CLASP1: variants seen among roughly 807,000 people sequenced by gnomAD.
CLASP1 encodes the protein CLIP-associating protein 1.
A neutral mutation model predicts 192.3 loss-of-function variants in CLASP1; 38 were observed. That is an observed-to-expected ratio of 0.20 (90% CI 0.15 to 0.26). The LOEUF is 0.26. CLASP1 is among the 10% of genes least tolerant of loss of function. The pLI, the probability that CLASP1 is intolerant of heterozygous loss-of-function variation, is 1.00. For synonymous variants in CLASP1, 691 were observed against 712.8 expected (o/e 0.97, Z 0.49); for missense variants, 1,433 against 1,932.5 (o/e 0.74, Z 4.85).
At chr2:121,570,625 G>T (rs1237337022) in intron 2 of CLASP1, among the ~76,000 whole-genome samples, 1 of 152,130 alleles carries the variant, frequency 6.6e-6, no homozygotes, top group Admixed American at 6.5e-5. Context: ...GGCAAGAGAG[G>T]GTGAGTGTAT....
intron 2 of CLASP1, among the ~76,000 whole-genome samples, chr2:121,598,889 G>T (rs1369234409): frequency 6.6e-6 from 1 of 151,976 alleles, no homozygotes; most frequent in Non-Finnish European, 1.5e-5. Context: ...TTTTTGAGAC[G>T]GAGTCTCACT....
intron 25 of CLASP1, 94 bp from the exon 27 acceptor site, chr2:121,404,528 G>A: frequency 9.2e-7 from 1 of 1,089,254 alleles, no homozygotes; most frequent in Non-Finnish European, 1.3e-6. Flanking sequence ...GTGCAGTGGT[G>A]CGATCATAGC....
intron 1 of CLASP1, among the ~76,000 whole-genome samples, chr2:121,618,654 A>G (rs1224916601): frequency 1.3e-5 from 2 of 150,566 alleles, no homozygotes; most frequent in Non-Finnish European, 2.9e-5. Flanking sequence ...TGCATTATGA[A>G]TGTATTATGA....
rs936042883 is a variant in CLASP1, at chr2:121,572,857, C to T, written c.195+32844G>A. Among the ~76,000 whole-genome samples, 3 of 152,202 alleles carry T rather than the reference C, an allele frequency of 2.0e-5. 1 individual carries two copies. In the South Asian group the frequency reaches 6.2e-4, roughly 32 times the overall value. ...GAGGAAAGGAAGCATAGTTCATCCACCATCTTCTTCTGACCAATGAGAAAA... is the reference window on the plus strand; with the variant it reads ...GAGGAAAGGAAGCATAGTTCATCCATCATCTTCTTCTGACCAATGAGAAAA... On this transcript the variant is annotated intron_variant, in intron 2 of 39. Transcript: ENST00000263710.
intron 36 of CLASP1, among the ~76,000 whole-genome samples, chr2:121,363,510 CTT>C (rs2066801736): frequency 6.6e-6 from 1 of 152,146 alleles, no homozygotes; most frequent in Admixed American, 6.5e-5. Context: ...GGCACTGTGC[CTT>C]AGGGTGACAT....
intron 1 of CLASP1, among the ~76,000 whole-genome samples, chr2:121,624,018 T>C (rs1308341413): frequency 1.3e-5 from 2 of 152,190 alleles, no homozygotes; most frequent in Non-Finnish European, 2.9e-5. Flanking sequence ...TGTCCCTTCT[T>C]TCATTCCTCA....
exon 23 of CLASP1, chr2:121,418,675 G>A (rs1368467284): frequency 1.2e-6 from 2 of 1,613,900 alleles, no homozygotes; most frequent in Admixed American, 1.7e-5. Flanking sequence ...CTCACGGCTG[G>A]TATCGCGGCT....
chr2:121,469,035 G>C (rs185394755), intron 9 of CLASP1, among the ~76,000 whole-genome samples: 2 of 152,226 alleles, frequency 1.3e-5, no homozygotes, highest in African/African-American at 4.8e-5. Flanking sequence ...GGGGTTTTTT[G>C]TTGTTGCTGT....
chr2:121,457,695 T>G (rs1164108945), exon 14 of CLASP1: 1 of 1,611,126 alleles, frequency 6.2e-7, no homozygotes, highest in Non-Finnish European at 8.5e-7. Flanking sequence ...ACCTTCTAAC[T>G]GCGACAGACT....
chr2:121,365,027 A>T lies in CLASP1; in HGVS notation c.4077+67T>A, dbSNP rs56831576. On this transcript the variant is annotated intron_variant, in intron 36 of 39. Transcript: ENST00000263710. Reference sequence around the variant, plus strand: ...GAAAGTAAAGCTGAAGCTAAGCCCAATAAGAAAAGGACATCGTGACCCCAT... The same window carrying T: ...GAAAGTAAAGCTGAAGCTAAGCCCATTAAGAAAAGGACATCGTGACCCCAT... 3,908 of 1,435,056 alleles carry T rather than the reference A, an allele frequency of 2.7e-3. 91 individuals carry two copies. The African/African-American group carries it at 0.046, about 17-fold the overall frequency. 88.9% of individuals were successfully genotyped at this position (1,435,056 alleles called of 1,614,324 possible).
chr2:121,451,739 ACT>A, intron 15 of CLASP1, 49 bp downstream of exon 15: 2 of 1,426,662 alleles, frequency 1.4e-6, no homozygotes, highest in Middle Eastern at 1.7e-4. Flanking sequence ...CAAAGCATTC[ACT>A]CTAAAGGCTC....
At chr2:121,571,931 T>C (rs1447673372) in intron 2 of CLASP1, among the ~76,000 whole-genome samples, 1 of 151,944 alleles carries the variant, frequency 6.6e-6, no homozygotes. Flanking sequence ...CAAATCTGTT[T>C]TAGAAAGCTC....
chr2:121,356,990 A>G (rs1037661588), intron 37 of CLASP1, among the ~76,000 whole-genome samples: 1 of 152,176 alleles, frequency 6.6e-6, no homozygotes, highest in Non-Finnish European at 1.5e-5. Context: ...GGAGGTGCTC[A>G]GCATCAGATG....
chr2:121,355,588 G>A (rs776476497), intron 37 of CLASP1, among the ~76,000 whole-genome samples: 2 of 152,206 alleles, frequency 1.3e-5, no homozygotes, highest in Non-Finnish European at 2.9e-5. Context: ...AGGGAGGTAG[G>A]TGTTCTCAAC....
chr2:121,543,119 C>G (rs2095265753), intron 2 of CLASP1, among the ~76,000 whole-genome samples: 1 of 152,202 alleles, frequency 6.6e-6, no homozygotes, highest in African/African-American at 2.4e-5. Flanking sequence ...ACAGGAGGCT[C>G]ATGGCTACTG....
chr2:121,372,873 C>T (rs1461442610), intron 34 of CLASP1, among the ~76,000 whole-genome samples: 1 of 152,196 alleles, frequency 6.6e-6, no homozygotes, highest in African/African-American at 2.4e-5. Flanking sequence ...CTCATGCCCA[C>T]TCTTCTCCAC....
chr2:121,407,803 A>G lies in CLASP1; in HGVS notation c.2425-88T>C, dbSNP rs141269508. The stretch of plus-strand genomic sequence containing the variant: ...AGTCACACCAAACAAAATCTACAAC[A>G]AAGAGTTAAGTGTAAAAAGACACAT... On this transcript the variant is annotated intron_variant, in intron 24 of 39. Transcript: ENST00000263710. The G allele has an allele frequency of 6.2e-6, 9 of 1,456,922 alleles. No homozygotes were observed. The Admixed American group carries it at 6.7e-5, about 11-fold the overall frequency. 90.2% of individuals were successfully genotyped at this position (1,456,922 alleles called of 1,614,324 possible).
chr2:121,501,340 T>C (rs2093745751), intron 8 of CLASP1, among the ~76,000 whole-genome samples: 1 of 152,202 alleles, frequency 6.6e-6, no homozygotes, highest in Non-Finnish European at 1.5e-5. Context: ...GACCTGCCTG[T>C]GGACACCCAG....
At chr2:121,374,877 G>A (rs762628186) in intron 34 of CLASP1, among the ~76,000 whole-genome samples, 7 of 152,168 alleles carry the variant, frequency 4.6e-5, no homozygotes, top group Admixed American at 1.3e-4. Flanking sequence ...GCTCATAGGC[G>A]GAAGGGACTT....
Sources: allele counts gnomAD v4.1 joint callset (sites outside exome capture counted in the v4.1 genomes callset), GRCh38; gene constraint gnomAD v4.1.1; transcripts MANE v1.5; gene names NCBI Gene and HGNC (gene_info 2026-07-23, HGNC 2026-07-21).